Variants in SGCD observed in about 807,000 individuals in gnomAD.
SGCD encodes the protein delta-sarcoglycan.
In SGCD, 18 loss-of-function variants were observed where a neutral mutation model predicts 36.6. The observed-to-expected ratio is 0.49, with a 90% CI of 0.34 to 0.73. The LOEUF is 0.73. Ranked by LOEUF, SGCD falls within the 30% of genes least tolerant of loss-of-function variation. The pLI, the probability that SGCD is intolerant of heterozygous loss-of-function variation, is 0.01. For synonymous variants in SGCD, 133 were observed against 130.6 expected (o/e 1.02, Z -0.12); for missense variants, 387 against 346.7 (o/e 1.12, Z -0.92).
At chr5:155,857,071 G>A in the SGCD span, among the ~76,000 whole-genome samples, 2 of 151,608 alleles carry the variant, frequency 1.3e-5, no homozygotes, top group Non-Finnish European at 2.9e-5. Context: ...CCATCTCTAC[G>A]AAAAATACAA....
chr5:156,629,457 A>G (rs1028799276), intron 6 of SGCD, among the ~76,000 whole-genome samples: 1 of 152,230 alleles, frequency 6.6e-6, no homozygotes, highest in Non-Finnish European at 1.5e-5. Context: ...GTAATGTCAA[A>G]ACCATGAAGT....
the SGCD span, among the ~76,000 whole-genome samples, chr5:155,864,575 G>A: frequency 6.6e-6 from 1 of 152,094 alleles, no homozygotes; most frequent in African/African-American, 2.4e-5. Context: ...TTCTATATTT[G>A]AGATTTACTG....
At chr5:156,263,503 C>G (rs879862629) in intron 3 of SGCD, among the ~76,000 whole-genome samples, 1 of 151,864 alleles carries the variant, frequency 6.6e-6, no homozygotes, top group African/African-American at 2.4e-5. Context: ...TGTCTGTTGT[C>G]GAATGCATAG....
At chr5:155,763,786 A>G in the SGCD span, among the ~76,000 whole-genome samples, 1 of 152,286 alleles carries the variant, frequency 6.6e-6, no homozygotes, top group South Asian at 2.1e-4. Context: ...CTTTTGGTAT[A>G]AAAAGCAATG....
At chr5:156,738,611 G>A (rs1017252460) in intron 7 of SGCD, 20 of 152,136 alleles carry the variant, frequency 1.3e-4, no homozygotes, top group African/African-American at 3.6e-4. Context: ...ATTACTCTGC[G>A]TTCCAGTTCT....
chr5:156,715,638 G>A (rs1161373577), intron 7 of SGCD, among the ~76,000 whole-genome samples: 1 of 152,154 alleles, frequency 6.6e-6, no homozygotes, highest in African/African-American at 2.4e-5. Context: ...TAATTCAAGA[G>A]TGCCTGGATT....
chr5:156,258,188 G>C (rs1273070490), intron 3 of SGCD, among the ~76,000 whole-genome samples: 3 of 152,136 alleles, frequency 2.0e-5, no homozygotes, highest in African/African-American at 7.2e-5. Context: ...TAAGCCATAT[G>C]TATTGGCCAC....
At chr5:156,095,411 G>A (rs1761351006) in intron 1 of SGCD, among the ~76,000 whole-genome samples, 1 of 152,206 alleles carries the variant, frequency 6.6e-6, no homozygotes, top group Non-Finnish European at 1.5e-5. Flanking sequence ...AAAGGGCAAA[G>A]AGATTGGAAT....
rs576751856 is a variant in SGCD at position 156,405,937 on chromosome 5, T to C, written c.192+61260T>C. On this transcript the variant is annotated intron_variant, in intron 3 of 8. Coordinates refer to ENST00000337851, the MANE Select transcript of SGCD (RefSeq NM_000337.6). Reference sequence around the variant, plus strand: ...GCAGGGGCCAAAACTCCCTACTAAATAATTGATCAACACGCCTCTTGGATT... The same window carrying C: ...GCAGGGGCCAAAACTCCCTACTAAACAATTGATCAACACGCCTCTTGGATT... 1.2e-3 allele frequency among the ~76,000 whole-genome samples: 175 copies of C among 149,086 alleles called. 1 individual carries two copies. Among genetic ancestry groups the C allele is most frequent in the African/African-American group, 4.3e-3 (172 of 39,920 alleles).
the SGCD span, among the ~76,000 whole-genome samples, chr5:155,849,259 C>G: frequency 6.6e-6 from 1 of 152,122 alleles, no homozygotes; most frequent in Non-Finnish European, 1.5e-5. Context: ...CTCTTTCTCT[C>G]TATCAGAACA....
chr5:155,808,079 G>A, the SGCD span, among the ~76,000 whole-genome samples: 4 of 152,202 alleles, frequency 2.6e-5, no homozygotes, highest in African/African-American at 9.7e-5. Context: ...GAAGTCCCCT[G>A]TAGGAGTTCT....
At chr5:155,740,309 A>G in the SGCD span, among the ~76,000 whole-genome samples, 1 of 152,150 alleles carries the variant, frequency 6.6e-6, no homozygotes, top group African/African-American at 2.4e-5. Flanking sequence ...CAAGATTTTT[A>G]TTTTTATACA....
chr5:155,975,780 CTACCATGGCTG>C (rs1758101961), intron 1 of SGCD, among the ~76,000 whole-genome samples: 1 of 151,360 alleles, frequency 6.6e-6, no homozygotes, highest in African/African-American at 2.4e-5. Context: ...CAGGCACCTG[CTACCATGGCTG>C]GCTAATTTTT....
At chr5:156,185,886 G>GAGAGAGA (rs1465933664) in intron 3 of SGCD, among the ~76,000 whole-genome samples, 51 of 17,440 alleles carry the variant, frequency 2.9e-3, no homozygotes, top group Non-Finnish European at 4.5e-3. Context: ...GAGAGAGAGA[G>GAGAGAGA]GGCCATGTCT....
chr5:156,678,776 G>A (rs538683673), intron 7 of SGCD, among the ~76,000 whole-genome samples: 18 of 152,286 alleles, frequency 1.2e-4, no homozygotes, highest in Admixed American at 7.2e-4. Flanking sequence ...TTCCCTCTCT[G>A]TCCTCTAACT....
chr5:155,802,316 C>T, the SGCD span, among the ~76,000 whole-genome samples: 1 of 152,174 alleles, frequency 6.6e-6, no homozygotes, highest in South Asian at 2.1e-4. Context: ...TCCTTGGTTC[C>T]TGATGGTTTT....
intron 3 of SGCD, among the ~76,000 whole-genome samples, chr5:156,174,785 A>G (rs1763426284): frequency 6.6e-6 from 1 of 152,188 alleles, no homozygotes. Flanking sequence ...ATGTCAAATA[A>G]GACTTCATGG....
chr5:156,518,951 C>T (rs1219323120), intron 4 of SGCD, among the ~76,000 whole-genome samples: 1 of 151,780 alleles, frequency 6.6e-6, no homozygotes, highest in Admixed American at 6.6e-5. Flanking sequence ...AACTAGAGAA[C>T]CAAGAGCAAA....
At chr5:155,848,827 G>A in the SGCD span, among the ~76,000 whole-genome samples, 1 of 152,128 alleles carries the variant, frequency 6.6e-6, no homozygotes, top group Admixed American at 6.5e-5. Context: ...AGAGGGAAGA[G>A]ATAAGGAAGG....
Sources: allele counts gnomAD v4.1 joint callset (sites outside exome capture counted in the v4.1 genomes callset), GRCh38; gene constraint gnomAD v4.1.1; transcripts MANE v1.5; gene names NCBI Gene and HGNC (gene_info 2026-07-23, HGNC 2026-07-21).